TEX10: variants seen among roughly 807,000 people sequenced by gnomAD.
TEX10 encodes testis expressed 10, also known as testis-expressed protein 10.
In TEX10, 24 loss-of-function variants were observed where a neutral mutation model predicts 104.4. The observed-to-expected ratio is 0.23, with a 90% CI of 0.17 to 0.32. The LOEUF is 0.32. TEX10 is among the 10% of genes least tolerant of loss of function. The pLI is 1.00. For missense variants in TEX10, 921 were observed against 1,083.9 expected (o/e 0.85, Z 2.11); for synonymous variants, 396 against 393.4 (o/e 1.01, Z -0.08).
chr9:100,339,018 C>T (rs1404602184), intron 5 of TEX10, among the ~76,000 whole-genome samples: 1 of 151,666 alleles, frequency 6.6e-6, no homozygotes, highest in Non-Finnish European at 1.5e-5. Flanking sequence ...CTTTGGGAGG[C>T]TGAGGTGGGC....
chr9:100,337,158 G>C (rs998642386), intron 5 of TEX10, among the ~76,000 whole-genome samples: 5 of 152,114 alleles, frequency 3.3e-5, no homozygotes, highest in South Asian at 2.1e-4. Context: ...ACTGATTAAA[G>C]AATCAAGTGA....
chr9:100,334,665 CTT>C (rs11463306), intron 5 of TEX10, among the ~76,000 whole-genome samples: 3 of 142,822 alleles, frequency 2.1e-5, no homozygotes, highest in Admixed American at 7.0e-5. Context: ...TCATTTTGTT[CTT>C]TTTTTTTTTT....
chr9:100,322,139 C>T (rs1427141462), intron 9 of TEX10, among the ~76,000 whole-genome samples: 1 of 152,162 alleles, frequency 6.6e-6, no homozygotes, highest in Non-Finnish European at 1.5e-5. Flanking sequence ...TAGTCTTACC[C>T]TCAGCAAATG....
intron 13 of TEX10, chr9:100,307,245 C>A (rs1834163653): frequency 6.6e-6 from 1 of 152,190 alleles, no homozygotes; most frequent in East Asian, 1.9e-4. Context: ...ACTATGGCCA[C>A]AGGCCAAATC....
At chr9:100,323,624 A>C (rs1834630278) in intron 9 of TEX10, among the ~76,000 whole-genome samples, 1 of 152,240 alleles carries the variant, frequency 6.6e-6, no homozygotes, top group South Asian at 2.1e-4. Flanking sequence ...TAGAGAGAGC[A>C]ATTCTAAACA....
At chr9:100,335,401 C>T (rs1240435364) in intron 5 of TEX10, among the ~76,000 whole-genome samples, 1 of 152,028 alleles carries the variant, frequency 6.6e-6, no homozygotes, top group Non-Finnish European at 1.5e-5. Flanking sequence ...ATGGGTTTCA[C>T]CGTGTTAGCC....
At position 100,302,099 on chromosome 9, in the gene TEX10, G is replaced by A. The variant is rs1833993106; in HGVS notation, c.*92C>T. 5.4e-6 allele frequency: 4 copies of A among 745,468 alleles called. No individual in the cohort carries two copies. Among genetic ancestry groups the A allele is most frequent in the Admixed American group, 5.4e-5 (2 of 36,848 alleles). 46.2% of individuals were successfully genotyped at this position (745,468 alleles called of 1,614,324 possible). On this transcript the variant is annotated 3_prime_UTR_variant, in exon 15 of 15. Coordinates refer to ENST00000374902, the MANE Select transcript of TEX10 (RefSeq NM_017746.4). ...GTTCGTAAACTTCTTTAAAAGTTCA[G>A]CTTTAATGACAAAGATCTATTACAT... is the stretch of plus-strand genomic sequence containing the variant.
In TEX10 at chr9:100,314,499, T is replaced by C. The variant is rs530176952; in HGVS notation, c.2203-4120A>G. 7.2e-5 allele frequency among the ~76,000 whole-genome samples: 11 copies of C among 152,308 alleles called. No individual in the cohort carries two copies. In the South Asian group the frequency reaches 2.3e-3, roughly 32 times the overall value. ...TTGTATGTTTCCAGGAATTTATCCATTTTCCCTCTAGGTTTTCCAGTTTGT... is the reference window on the plus strand; with the variant it reads ...TTGTATGTTTCCAGGAATTTATCCACTTTCCCTCTAGGTTTTCCAGTTTGT... On this transcript the variant is annotated intron_variant, in intron 11 of 14. Transcript: ENST00000374902.
chr9:100,318,734 A>G (rs1472724638), intron 11 of TEX10, among the ~76,000 whole-genome samples: 1 of 152,234 alleles, frequency 6.6e-6, no homozygotes, highest in Admixed American at 6.5e-5. Context: ...AATTTTGCCT[A>G]TTAGGGCAAA....
chr9:100,344,524 G>A (rs35812602), intron 4 of TEX10, among the ~76,000 whole-genome samples: 1,666 of 151,862 alleles, frequency 0.011, 17 homozygotes, highest in African/African-American at 0.016. Context: ...GAAGAAGCTT[G>A]GAATTTTTAC....
chr9:100,302,936 C>G (rs57609514), intron 14 of TEX10, among the ~76,000 whole-genome samples: 2,086 of 149,990 alleles, frequency 0.014, 40 homozygotes, highest in African/African-American at 0.048. Flanking sequence ...CCGCCCCCCC[C>G]CCAAACTAAA....
Position 100,352,897 on chromosome 9 carries a change from C to T in TEX10, c.-135G>A, listed in dbSNP as rs1835499702. ...CTCCCGGAGCGTGTTTTCAAATAGC[C>T]TCGTCCTCACGCGGCCGCGTCTCCT... On this transcript the variant is annotated 5_prime_UTR_variant, in exon 1 of 15. Transcript: ENST00000374902. 2 of 992,664 alleles carry T rather than the reference C, an allele frequency of 2.0e-6. No homozygotes were observed. The highest frequency in any genetic ancestry group is 2.4e-6 in the Non-Finnish European group (2 of 835,392). The allele number at this position is 992,664 out of a possible 1,614,324, so 61.5% of individuals were successfully genotyped here.
At chr9:100,340,183 A>T in intron 5 of TEX10, 74 bp downstream of exon 5, 1 of 870,574 alleles carries the variant, frequency 1.1e-6, no homozygotes, top group Non-Finnish European at 1.7e-6. Context: ...GTTCCATATT[A>T]AGGTTAATTA....
In TEX10 at chr9:100,352,796, C is replaced by T. The variant is rs891716070; in HGVS notation, c.-34G>A. On this transcript the variant is annotated 5_prime_UTR_variant, in exon 1 of 15. Coordinates refer to ENST00000374902, the MANE Select transcript of TEX10 (RefSeq NM_017746.4). ...CCTGAGGACCCGGCCGCGGCCGGGGCGAGAAGCCCGAGAAGACAAGCGAGG... is the reference window on the plus strand; with the variant it reads ...CCTGAGGACCCGGCCGCGGCCGGGGTGAGAAGCCCGAGAAGACAAGCGAGG... 3 of 1,060,952 alleles carry T rather than the reference C, an allele frequency of 2.8e-6. No individual in the cohort carries two copies. Among genetic ancestry groups the T allele is most frequent in the Non-Finnish European group, 3.4e-6 (3 of 880,890 alleles). 65.7% of individuals were successfully genotyped at this position (1,060,952 alleles called of 1,614,324 possible).
chr9:100,307,224 A>C (rs2118827689), intron 13 of TEX10: 1 of 152,372 alleles, frequency 6.6e-6, no homozygotes, highest in South Asian at 2.1e-4. Flanking sequence ...ACTATAGAGC[A>C]GACTGAGCAA....
In TEX10 at chr9:100,309,009, C is replaced by T. The variant is rs150357807; in HGVS notation, c.2284-328G>A. 5.7e-4 allele frequency among the ~76,000 whole-genome samples: 87 copies of T among 152,240 alleles called. No individual in the cohort carries two copies. In the East Asian group the frequency reaches 7.5e-3, roughly 13 times the overall value. On this transcript the variant is annotated intron_variant, in intron 12 of 14. Coordinates refer to ENST00000374902, the MANE Select transcript of TEX10 (RefSeq NM_017746.4). ...ATTTAAAGGGATTATTTCATGCACT[C>T]AAAGAAAATCTGAATACCAACAATC...
intron 9 of TEX10, 42 bp from the exon 10 acceptor site, chr9:100,321,813 C>A: frequency 6.9e-7 from 1 of 1,439,948 alleles, no homozygotes; most frequent in Non-Finnish European, 9.7e-7. Flanking sequence ...AAGTGACCAA[C>A]TTGACAGACT....
At chr9:100,314,110 CAG>C (rs1834352570) in intron 11 of TEX10, among the ~76,000 whole-genome samples, 1 of 136,948 alleles carries the variant, frequency 7.3e-6, no homozygotes. Context: ...TTTTTTGAGA[CAG>C]AGTCTCGCTC....
intron 5 of TEX10, among the ~76,000 whole-genome samples, chr9:100,337,351 TC>T (rs1314623829): frequency 6.6e-6 from 1 of 152,182 alleles, no homozygotes; most frequent in Non-Finnish European, 1.5e-5. Flanking sequence ...GTCTACTAAA[TC>T]CTAAACATCT....
Sources: gnomAD v4.1 joint callset for allele counts (sites outside exome capture counted in the v4.1 genomes callset) on GRCh38, gnomAD v4.1.1 for gene constraint, MANE v1.5 for transcripts, NCBI Gene and HGNC (gene_info 2026-07-23, HGNC 2026-07-21) for gene names.